Variants in PACRG observed in about 807,000 individuals in gnomAD.
The protein encoded by PACRG is parkin coregulated.
In PACRG, 29 loss-of-function variants were observed where a neutral mutation model predicts 29.7. That is an observed-to-expected ratio of 0.98 (90% CI 0.73 to 1.33). The LOEUF is 1.33. Ranked by LOEUF, PACRG falls within the 40% of genes most tolerant of loss-of-function variation. PACRG has a pLI of 0.00. For synonymous variants in PACRG, 116 were observed against 118.7 expected, an observed-to-expected ratio of 0.98 and a Z score of 0.15; for missense variants, 279 against 316.2, an observed-to-expected ratio of 0.88 and a Z score of 0.89.
intron 2 of PACRG, among the ~76,000 whole-genome samples, chr6:162,824,040 A>G (rs1265484117): frequency 6.6e-6 from 1 of 152,210 alleles, no homozygotes; most frequent in Non-Finnish European, 1.5e-5. Context: ...TAAAAGGCAC[A>G]GGTACCCAGC....
At chr6:163,123,197 G>A (rs1029754033) in intron 4 of PACRG, among the ~76,000 whole-genome samples, 1 of 152,206 alleles carries the variant, frequency 6.6e-6, no homozygotes, top group African/African-American at 2.4e-5. Flanking sequence ...GACCAGGTGT[G>A]TCATTCACAT....
intron 2 of PACRG, among the ~76,000 whole-genome samples, chr6:162,870,026 G>C (rs1371481261): frequency 6.6e-6 from 1 of 152,176 alleles, no homozygotes; most frequent in Non-Finnish European, 1.5e-5. Flanking sequence ...ATTAAAAGAT[G>C]ATCTGCCCCT....
intron 4 of PACRG, among the ~76,000 whole-genome samples, chr6:163,208,967 A>G (rs1462012832): frequency 6.6e-6 from 1 of 152,210 alleles, no homozygotes; most frequent in African/African-American, 2.4e-5. Flanking sequence ...AATTTTCTTT[A>G]AAAGGAGATC....
At chr6:163,028,576 A>G (rs572438522) in intron 2 of PACRG, among the ~76,000 whole-genome samples, 2 of 152,322 alleles carry the variant, frequency 1.3e-5, no homozygotes, top group East Asian at 3.9e-4. Flanking sequence ...CATATTAAAT[A>G]TGATTCACTG....
chr6:163,154,040 AAG>A (rs1778214026), intron 4 of PACRG, among the ~76,000 whole-genome samples: 1 of 152,196 alleles, frequency 6.6e-6, no homozygotes, highest in African/African-American at 2.4e-5. Context: ...GGCAGCATTT[AAG>A]AGTCTGTGGA....
intron 4 of PACRG, among the ~76,000 whole-genome samples, chr6:163,147,716 C>T (rs1426343518): frequency 6.6e-6 from 1 of 152,178 alleles, no homozygotes; most frequent in Non-Finnish European, 1.5e-5. Context: ...GAGTTACAGC[C>T]TTCCATAATA....
At chr6:162,995,167 G>C (rs1367274343) in intron 2 of PACRG, among the ~76,000 whole-genome samples, 1 of 149,860 alleles carries the variant, frequency 6.7e-6, no homozygotes, top group Non-Finnish European at 1.5e-5. Context: ...GGACATTTAA[G>C]TCTGCAGAGG....
intron 2 of PACRG, among the ~76,000 whole-genome samples, chr6:162,999,779 A>G (rs1804415514): frequency 6.6e-6 from 1 of 152,346 alleles, no homozygotes; most frequent in African/African-American, 2.4e-5. Flanking sequence ...TCAGCCTTTC[A>G]AAATTTCCGA....
chr6:162,961,720 C>T (rs1298031135), intron 2 of PACRG, among the ~76,000 whole-genome samples: 5 of 152,200 alleles, frequency 3.3e-5, no homozygotes, highest in African/African-American at 1.2e-4. Flanking sequence ...CCTCCACCAT[C>T]TTCATTTCTA....
Position 162,988,072 on chromosome 6 carries a change from A to G in PACRG, c.292-74078A>G, listed in dbSNP as rs181740009. On this transcript the variant is annotated intron_variant, in intron 2 of 4. Coordinates refer to ENST00000366888, the MANE Select transcript of PACRG (RefSeq NM_001080379.2). ...TTTGCAGTGGCATGCCATTTCTTTC[A>G]AGGGATCTGTGAATTCTTTTGGTTT... Among the ~76,000 whole-genome samples the G allele has an allele frequency of 2.0e-3, 299 of 152,250 alleles. 2 individuals are homozygous for G. Among genetic ancestry groups the G allele is most frequent in the Non-Finnish European group, 6.5e-4 (44 of 68,018 alleles).
intron 4 of PACRG, among the ~76,000 whole-genome samples, chr6:163,252,928 G>A (rs1260533678): frequency 5.3e-5 from 8 of 152,212 alleles, no homozygotes; most frequent in Non-Finnish European, 1.0e-4. Context: ...CTGAGTATGT[G>A]TGTGTGTTTC....
intron 4 of PACRG, among the ~76,000 whole-genome samples, chr6:163,156,225 C>A (rs566964781): frequency 6.6e-6 from 1 of 152,350 alleles, no homozygotes. Context: ...TCCGAAATTT[C>A]AGTTTGCCTG....
At chr6:163,051,537 A>T (rs572010452) in intron 2 of PACRG, 1 of 151,884 alleles carries the variant, frequency 6.6e-6, no homozygotes. Flanking sequence ...GGTTTGTCCC[A>T]CCGAGAGCTT....
intron 2 of PACRG, among the ~76,000 whole-genome samples, chr6:162,933,380 C>G (rs990844000): frequency 6.6e-6 from 1 of 151,938 alleles, no homozygotes; most frequent in East Asian, 1.9e-4. Flanking sequence ...AGTTTAAGTC[C>G]AGTGTTTCTT....
chr6:162,960,129 A>G (rs1251086562), intron 2 of PACRG, among the ~76,000 whole-genome samples: 1 of 152,200 alleles, frequency 6.6e-6, no homozygotes, highest in Admixed American at 6.5e-5. Context: ...AGCTGTGGAG[A>G]AAAAAGAAAG....
intron 1 of PACRG, among the ~76,000 whole-genome samples, chr6:162,776,597 G>A (rs554491270): frequency 6.6e-6 from 1 of 152,198 alleles, no homozygotes; most frequent in Non-Finnish European, 1.5e-5. Flanking sequence ...CTCAACATCA[G>A]AATTGAAAGG....
At chr6:162,920,521 T>G (rs901516892) in intron 2 of PACRG, among the ~76,000 whole-genome samples, 2 of 152,178 alleles carry the variant, frequency 1.3e-5, no homozygotes, top group African/African-American at 4.8e-5. Flanking sequence ...GATGGATGAG[T>G]GTAAGGGATG....
intron 4 of PACRG, among the ~76,000 whole-genome samples, chr6:163,219,457 A>G (rs12213157): frequency 0.24 from 37,101 of 152,088 alleles, 5,039 homozygotes; most frequent in African/African-American, 0.37. Flanking sequence ...TTCTCCTTGC[A>G]TCTATTCTTA....
chr6:162,941,123 C>T (rs1032413144), intron 2 of PACRG, among the ~76,000 whole-genome samples: 8 of 152,070 alleles, frequency 5.3e-5, no homozygotes, highest in East Asian at 1.9e-4. Context: ...GGTGTCCCCA[C>T]GGCTTCTAGC....
Sources: gnomAD v4.1 joint callset for allele counts (sites outside exome capture counted in the v4.1 genomes callset) on GRCh38, gnomAD v4.1.1 for gene constraint, MANE v1.5 for transcripts, NCBI Gene and HGNC (gene_info 2026-07-23, HGNC 2026-07-21) for gene names.